CORO2A: variants seen among roughly 807,000 people sequenced by gnomAD.
CORO2A encodes the protein coronin-2A.
In CORO2A, 47 loss-of-function variants were observed where a neutral mutation model predicts 62.4. The ratio of observed to expected loss-of-function variants is 0.75; its 90% confidence interval spans 0.60 to 0.96. The LOEUF (loss-of-function observed/expected upper bound fraction) is 0.96. Among genes scored for constraint, CORO2A ranks in the 40% least tolerant of loss-of-function variants. The pLI is 0.00. For synonymous variants in CORO2A, 273 were observed against 268.9 expected, an observed-to-expected ratio of 1.02 and a Z score of -0.15; for missense variants, 610 against 684.1, an observed-to-expected ratio of 0.89 and a Z score of 1.21.
chr9:98,133,241 G>A (rs933640088), intron 4 of CORO2A, 24 bp from the exon 5 acceptor site: 30 of 1,611,640 alleles, frequency 1.9e-5, no homozygotes, highest in African/African-American at 2.7e-5. Flanking sequence ...AGCCAGCTCT[G>A]AGCACAGGGG....
At chr9:98,155,581 A>G (rs1342064557) in intron 2 of CORO2A, among the ~76,000 whole-genome samples, 5 of 151,960 alleles carry the variant, frequency 3.3e-5, no homozygotes, top group Non-Finnish European at 7.4e-5. Context: ...TCCTGACCTC[A>G]TGATCCACCC....
chr9:98,183,538 G>A (rs189536226), intron 1 of CORO2A, among the ~76,000 whole-genome samples: 49 of 152,290 alleles, frequency 3.2e-4, no homozygotes, highest in African/African-American at 1.2e-3. Flanking sequence ...AACTTGTATT[G>A]CATACATAGT....
At chr9:98,150,210 T>A (rs1290100924) in intron 2 of CORO2A, among the ~76,000 whole-genome samples, 8 of 152,038 alleles carry the variant, frequency 5.3e-5, no homozygotes, top group African/African-American at 1.9e-4. Flanking sequence ...AGATTGCAGG[T>A]GTTAGCCACA....
chr9:98,156,349 T>C (rs902500061), intron 2 of CORO2A, among the ~76,000 whole-genome samples: 1 of 152,196 alleles, frequency 6.6e-6, no homozygotes, highest in African/African-American at 2.4e-5. Context: ...TCTAACTTCT[T>C]AGATGGAATG....
chr9:98,181,235 C>G (rs79466601), intron 1 of CORO2A, among the ~76,000 whole-genome samples: 24,515 of 152,012 alleles, frequency 0.16, 2,788 homozygotes, highest in African/African-American at 0.3. Flanking sequence ...AAAGCCAGAA[C>G]CCACGGGCAC....
At chr9:98,167,367 T>C (rs115276289) in intron 1 of CORO2A, among the ~76,000 whole-genome samples, 331 of 152,182 alleles carry the variant, frequency 2.2e-3, no homozygotes, top group African/African-American at 7.5e-3. Flanking sequence ...AGATAAAGAG[T>C]TCTAGAGATG....
In CORO2A at chr9:98,141,057, C is replaced by T. The variant is rs142876769; in HGVS notation, c.202-3369G>A. ...GAAGGGCTAAGATGGATGTAACTTACCCTCAAAGAGTTCTGAAAACAAAAA... is the reference window on the plus strand; with the variant it reads ...GAAGGGCTAAGATGGATGTAACTTATCCTCAAAGAGTTCTGAAAACAAAAA... On this transcript the variant is annotated intron_variant, in intron 2 of 11. Coordinates refer to ENST00000375077, the MANE Select transcript of CORO2A (RefSeq NM_052820.4). Among the ~76,000 whole-genome samples, 206 of 152,162 alleles carry T rather than the reference C, an allele frequency of 1.4e-3. 2 individuals are homozygous for T. The highest frequency in any genetic ancestry group is 4.6e-3 in the African/African-American group (192 of 41,492).
intron 5 of CORO2A, 152 bp from the exon 6 acceptor site, chr9:98,132,453 A>C (rs1020645500): frequency 1.8e-4 from 112 of 628,214 alleles, no homozygotes; most frequent in Admixed American, 6.8e-4. Context: ...TCCCAGGGGC[A>C]CCACCTGGAT....
chr9:98,170,102 G>A (rs1423376100), intron 1 of CORO2A, among the ~76,000 whole-genome samples: 1 of 152,256 alleles, frequency 6.6e-6, no homozygotes, highest in African/African-American at 2.4e-5. Flanking sequence ...ATGAAATAAT[G>A]TATGTAAAAG....
At chr9:98,172,704 G>A (rs1828055139) in intron 1 of CORO2A, 1 of 152,290 alleles carries the variant, frequency 6.6e-6, no homozygotes, top group South Asian at 2.1e-4. Flanking sequence ...CAGCTGGCAG[G>A]AGAGGATGGT....
At chr9:98,171,758 C>T (rs4266764) in intron 1 of CORO2A, among the ~76,000 whole-genome samples, 187 of 147,254 alleles carry the variant, frequency 1.3e-3, no homozygotes, top group African/African-American at 4.2e-3. Context: ...GCTTGCAGCG[C>T]GGGGGTGGGG....
chr9:98,156,398 T>C (rs1220442033), intron 2 of CORO2A, among the ~76,000 whole-genome samples: 1 of 152,090 alleles, frequency 6.6e-6, no homozygotes, highest in African/African-American at 2.4e-5. Flanking sequence ...TTTTCTAATA[T>C]AAGCATTAGT....
At position 98,137,779 on chromosome 9, in the gene CORO2A, G is replaced by A. The variant is rs902246375; in HGVS notation, c.202-91C>T. ...ATAGTCAGTTAGCAACCAGTCAACAGGAAAACATAAGGGACAGAGCTGGGT... is the reference window on the plus strand; with the variant it reads ...ATAGTCAGTTAGCAACCAGTCAACAAGAAAACATAAGGGACAGAGCTGGGT... On this transcript the variant is annotated intron_variant, in intron 2 of 11. Coordinates refer to ENST00000375077, the MANE Select transcript of CORO2A (RefSeq NM_052820.4). The A allele has an allele frequency of 2.5e-5, 24 of 944,440 alleles. No individual in the cohort carries two copies. In the African/African-American group the frequency reaches 3.2e-4, roughly 13 times the overall value. The allele number at this position is 944,440 out of a possible 1,614,324, so 58.5% of individuals were successfully genotyped here.
In CORO2A at chr9:98,126,779, G is replaced by A. The variant is rs1386003185; in HGVS notation, c.1216C>T (p.Pro406Ser). ...GGTCTCTCTGCAGGCAGTGGGTGGG[G>A]TCTCAGCAGCTCAGAGCCAGGCCTA... ...SLRPGSELLRPHPLPAERPIF... is the reference protein window; with the variant it reads ...SLRPGSELLRSHPLPAERPIF... The change falls in exon 11 of 12, where the codon CCC (proline) becomes TCC (serine). Residue 406 changes from proline (P) to serine (S), a missense_variant. Transcript: ENST00000375077. 3 of 1,614,086 alleles carry A rather than the reference G, an allele frequency of 1.9e-6. No homozygotes were observed. In the Admixed American group the frequency reaches 5.0e-5, roughly 27 times the overall value.
intron 3 of CORO2A, 100 bp downstream of exon 3, chr9:98,137,472 G>T: frequency 1.1e-6 from 1 of 929,322 alleles, no homozygotes; most frequent in South Asian, 1.3e-5. Context: ...CCTCCGCGAT[G>T]GAGTCAGGGG....
chr9:98,138,286 G>T (rs541060907), intron 2 of CORO2A, among the ~76,000 whole-genome samples: 1 of 151,950 alleles, frequency 6.6e-6, no homozygotes, highest in Admixed American at 6.6e-5. Flanking sequence ...GTGGTAGCAT[G>T]CACCTGTAAT....
At chr9:98,175,145 G>T (rs753892909) in intron 1 of CORO2A, among the ~76,000 whole-genome samples, 17 of 152,122 alleles carry the variant, frequency 1.1e-4, no homozygotes, top group Non-Finnish European at 2.1e-4. Context: ...TCAAAAGCAG[G>T]GGGTGGGGTG....
rs1358472520 is a variant in CORO2A, at chr9:98,124,768, C to G, written c.*6G>C. On this transcript the variant is annotated 3_prime_UTR_variant, in exon 12 of 12. Transcript: ENST00000375077. The stretch of plus-strand genomic sequence containing the variant: ...CCCTGAGGGTGAGGAGGGCAGAGGT[C>G]TCTGCTCAGAGCTGCTCTGAGCCCA... 1 of 1,607,476 alleles carries G rather than the reference C, an allele frequency of 6.2e-7. No homozygotes were observed. Among genetic ancestry groups the G allele is most frequent in the South Asian group, 1.1e-5 (1 of 89,350 alleles).
At position 98,152,854 on chromosome 9, in the gene CORO2A, G is replaced by A. The variant is rs78629588; in HGVS notation, c.201+4606C>T. 4.2e-3 allele frequency among the ~76,000 whole-genome samples: 634 copies of A among 152,214 alleles called. 6 individuals carry two copies. The highest frequency in any genetic ancestry group is 0.041 in the East Asian group (212 of 5,184). ...CTGAAAAATGTTAATATCATGAAGT[G>A]ATGAAGACTAAGAGATGACAACTAA... On this transcript the variant is annotated intron_variant, in intron 2 of 11. Transcript: ENST00000375077.
Sources: allele counts gnomAD v4.1 joint callset (sites outside exome capture counted in the v4.1 genomes callset), GRCh38; gene constraint gnomAD v4.1.1; transcripts MANE v1.5; gene names NCBI Gene and HGNC (gene_info 2026-07-23, HGNC 2026-07-21).